The following PAK1 variants were observed in gnomAD, a reference collection of about 807,000 sequenced individuals.
PAK1 encodes the protein p21 (RAC1) activated kinase 1.
In PAK1, 29 loss-of-function variants were observed where a neutral mutation model predicts 67.4. The ratio of observed to expected loss-of-function variants is 0.43; its 90% CI spans 0.32 to 0.59. The LOEUF is 0.59. Ranked by LOEUF, PAK1 falls within the 20% of genes least tolerant of loss-of-function variation. PAK1 has a pLI of 0.07. For synonymous variants in PAK1, 223 were observed against 237.4 expected (o/e 0.94, Z 0.56); for missense variants, 337 against 670.7 (o/e 0.50, Z 5.50).
chr11:77,334,199 T>C (rs1039144645), intron 13 of PAK1, among the ~76,000 whole-genome samples: 6 of 150,924 alleles, frequency 4.0e-5, no homozygotes, highest in African/African-American at 1.2e-4. Context: ...AATAAAAAAA[T>C]AAAAAAATAT....
At chr11:77,350,162 C>A (rs1945036346) in intron 8 of PAK1, among the ~76,000 whole-genome samples, 1 of 152,150 alleles carries the variant, frequency 6.6e-6, no homozygotes, top group African/African-American at 2.4e-5. Flanking sequence ...GGTTTTCAAT[C>A]ATTTATTCCA....
At chr11:77,496,414 A>C in the PAK1 span, among the ~76,000 whole-genome samples, 12,105 of 152,122 alleles carry the variant, frequency 0.08, 757 homozygotes, top group East Asian at 0.2. Context: ...ACTTGAGCCC[A>C]GGAGTTCAAG....
intron 1 of PAK1, among the ~76,000 whole-genome samples, chr11:77,398,303 A>G (rs1169149033): frequency 6.6e-6 from 1 of 151,916 alleles, no homozygotes; most frequent in Non-Finnish European, 1.5e-5. Flanking sequence ...TCTATTATCT[A>G]TGTCCATTAG....
chr11:77,389,193 T>A (rs1950824779), intron 2 of PAK1, among the ~76,000 whole-genome samples: 1 of 152,252 alleles, frequency 6.6e-6, no homozygotes, highest in South Asian at 2.1e-4. Context: ...TATGTGATCC[T>A]TTGTAACTGG....
chr11:77,447,561 C>T (rs989789274), intron 1 of PAK1, among the ~76,000 whole-genome samples: 9 of 151,270 alleles, frequency 5.9e-5, no homozygotes, highest in African/African-American at 1.7e-4. Flanking sequence ...GGGGAAGTCT[C>T]GCGCTCAGGC....
chr11:77,349,228 T>G lies in PAK1; in HGVS notation c.885+11A>C. 1 of 1,579,984 alleles carries G rather than the reference T, an allele frequency of 6.3e-7. No homozygotes were observed. The highest frequency in any genetic ancestry group is 8.6e-7 in the Non-Finnish European group (1 of 1,157,184). On this transcript the variant is annotated intron_variant, in intron 9 of 14. Transcript: ENST00000356341. ...GAACTAAAGGAGCAACAGTGGGTGG[T>G]GGATACTCACCTCCTGTCCTGTGGC... is the stretch of plus-strand genomic sequence containing the variant.
chr11:77,322,097 G>A lies in PAK1; in HGVS notation c.*1177C>T, dbSNP rs1053088424. The A allele has an allele frequency of 1.8e-5, 4 of 219,098 alleles. No individual in the cohort carries two copies. Among genetic ancestry groups the A allele is most frequent in the Non-Finnish European group, 2.8e-5 (3 of 108,752 alleles). The allele number at this position is 219,098 out of a possible 1,614,324, so 13.6% of individuals were successfully genotyped here. A position where few individuals can be genotyped will look rare whatever the true frequency, so the allele number is the denominator to read the frequency against. ...TAGTACCTCAGAGCATGAGAAGGTA[G>A]TCAATGGGGCTGACATGACAAGCCA... is the stretch of plus-strand genomic sequence containing the variant. On this transcript the variant is annotated 3_prime_UTR_variant, in exon 15 of 15. Coordinates refer to ENST00000356341, the MANE Select transcript of PAK1 (RefSeq NM_002576.5).
At chr11:77,329,526 C>T (rs547119583) in intron 14 of PAK1, among the ~76,000 whole-genome samples, 1 of 152,262 alleles carries the variant, frequency 6.6e-6, no homozygotes, top group South Asian at 2.1e-4. Flanking sequence ...GAACTAAAGA[C>T]AAAAACCACA....
At chr11:77,332,952 G>T in intron 13 of PAK1, 85 bp from the exon 14 acceptor site, 1 of 1,222,474 alleles carries the variant, frequency 8.2e-7, no homozygotes, top group Non-Finnish European at 1.2e-6. Context: ...AATATGGTCA[G>T]CTGCTTTATG....
intron 12 of PAK1, among the ~76,000 whole-genome samples, chr11:77,336,974 CTGAA>C (rs1942799986): frequency 6.6e-6 from 1 of 151,690 alleles, no homozygotes; most frequent in East Asian, 1.9e-4. Context: ...TGCTGAATAA[CTGAA>C]TGAAAGAAAT....
At chr11:77,344,763 C>A (rs1382388099) in intron 9 of PAK1, among the ~76,000 whole-genome samples, 1 of 152,126 alleles carries the variant, frequency 6.6e-6, no homozygotes, top group Non-Finnish European at 1.5e-5. Flanking sequence ...GTACATGTAG[C>A]CAGATTAATT....
At chr11:77,361,309 A>AT (rs2136643958) in intron 5 of PAK1, among the ~76,000 whole-genome samples, 1 of 152,328 alleles carries the variant, frequency 6.6e-6, no homozygotes, top group East Asian at 1.9e-4. Context: ...TGAGAAAAGG[A>AT]TATTCCTAGC....
chr11:77,328,785 G>A (rs1004927827), intron 14 of PAK1, among the ~76,000 whole-genome samples: 2 of 152,112 alleles, frequency 1.3e-5, no homozygotes, highest in Non-Finnish European at 2.9e-5. Flanking sequence ...ACTAAGATCA[G>A]AGCAGAACTG....
At chr11:77,471,907 A>G (rs958097306) in intron 1 of PAK1, among the ~76,000 whole-genome samples, 1 of 152,184 alleles carries the variant, frequency 6.6e-6, no homozygotes, top group Non-Finnish European at 1.5e-5. Context: ...GAGGCAGGTC[A>G]CCTTCCCTGC....
At position 77,322,983 on chromosome 11, in the gene PAK1, G is replaced by A. The variant is rs568998705; in HGVS notation, c.*291C>T. ...GAAGGAGGTGAGGATTTTGACACAC[G>A]GAAGACTAGAAACATTTATTTATAT... is the stretch of plus-strand genomic sequence containing the variant. On this transcript the variant is annotated 3_prime_UTR_variant, in exon 15 of 15. Transcript: ENST00000356341. 2.8e-5 allele frequency: 17 copies of A among 604,806 alleles called. No individual in the cohort carries two copies. The highest frequency in any genetic ancestry group is 3.8e-5 in the Non-Finnish European group (13 of 340,660). The allele number at this position is 604,806 out of a possible 1,614,324, so 37.5% of individuals were successfully genotyped here.
At position 77,343,801 on chromosome 11, in the gene PAK1, G is replaced by A; in HGVS notation, c.998+18C>T. On this transcript the variant is annotated intron_variant, in intron 10 of 14. Transcript: ENST00000356341. ...TCCCAAAGGCCCTTTCCCTCTGATG[G>A]GACCCACCACTCCATACCTGTCCAA... is the stretch of plus-strand genomic sequence containing the variant. 6.9e-7 allele frequency: 1 copy of A among 1,450,532 alleles called. No homozygotes were observed. The highest frequency in any genetic ancestry group is 9.7e-7 in the Non-Finnish European group (1 of 1,030,862). 89.9% of individuals were successfully genotyped at this position (1,450,532 alleles called of 1,614,324 possible).
At chr11:77,496,028 T>C in the PAK1 span, among the ~76,000 whole-genome samples, 1 of 151,744 alleles carries the variant, frequency 6.6e-6, no homozygotes, top group African/African-American at 2.4e-5. Context: ...ACTTTTTTTT[T>C]TTTTTTTTTG....
At chr11:77,463,519 A>G (rs1428450730) in intron 1 of PAK1, among the ~76,000 whole-genome samples, 1 of 152,258 alleles carries the variant, frequency 6.6e-6, no homozygotes, top group Non-Finnish European at 1.5e-5. Flanking sequence ...TCTCAAGACC[A>G]CTTGGAAACT....
chr11:77,365,729 C>T (rs536338114), intron 5 of PAK1, among the ~76,000 whole-genome samples: 3 of 151,294 alleles, frequency 2.0e-5, no homozygotes, highest in East Asian at 2.0e-4. Context: ...GCTACTCGGG[C>T]GGCTGAGGCA....
Sources: gnomAD v4.1 joint callset for allele counts (sites outside exome capture counted in the v4.1 genomes callset) on GRCh38, gnomAD v4.1.1 for gene constraint, MANE v1.5 for transcripts, NCBI Gene and HGNC (gene_info 2026-07-23, HGNC 2026-07-21) for gene names.